The following QTMAN variants were observed in gnomAD, a reference collection of about 807,000 sequenced individuals.
The protein encoded by QTMAN is queuosine-tRNA mannosyltransferase.
chr2:144,080,180 C>A, the QTMAN span, among the ~76,000 whole-genome samples: 1 of 152,038 alleles, frequency 6.6e-6, no homozygotes, highest in Non-Finnish European at 1.5e-5. Flanking sequence ...AATAATTTGC[C>A]TCTTTAACAA....
chr2:144,271,931 C>T, the QTMAN span, among the ~76,000 whole-genome samples: 1 of 152,198 alleles, frequency 6.6e-6, no homozygotes, highest in African/African-American at 2.4e-5. Flanking sequence ...ACATACTCCT[C>T]CCTGATCCCA....
the QTMAN span, among the ~76,000 whole-genome samples, chr2:144,327,198 T>G: frequency 7.9e-5 from 12 of 152,278 alleles, no homozygotes; most frequent in African/African-American, 2.9e-4. Context: ...TGGAGAGAGA[T>G]GCACTCAGAG....
At chr2:144,140,215 T>C in the QTMAN span, among the ~76,000 whole-genome samples, 1 of 152,054 alleles carries the variant, frequency 6.6e-6, no homozygotes, top group Non-Finnish European at 1.5e-5. Flanking sequence ...TTTTTCTATT[T>C]AGCTAGATTC....
the QTMAN span, among the ~76,000 whole-genome samples, chr2:144,189,612 T>C: frequency 3.9e-5 from 6 of 152,172 alleles, no homozygotes; most frequent in African/African-American, 1.4e-4. Flanking sequence ...GCCTTCTCTT[T>C]TCTTTTTCTT....
At chr2:143,992,403 G>C in the QTMAN span, among the ~76,000 whole-genome samples, 1 of 145,658 alleles carries the variant, frequency 6.9e-6, no homozygotes, top group Non-Finnish European at 1.5e-5. Flanking sequence ...ACTGCGGAAG[G>C]CCTCAGGGTC....
the QTMAN span, among the ~76,000 whole-genome samples, chr2:144,263,311 T>C: frequency 6.6e-6 from 1 of 152,154 alleles, no homozygotes; most frequent in Non-Finnish European, 1.5e-5. Context: ...TACACTGATA[T>C]GGGTGACCTC....
the QTMAN span, among the ~76,000 whole-genome samples, chr2:144,179,481 AT>A: frequency 1.3e-5 from 2 of 152,116 alleles, no homozygotes; most frequent in Non-Finnish European, 1.5e-5. Context: ...ATTTAGATAT[AT>A]TTTTCAACAC....
the QTMAN span, among the ~76,000 whole-genome samples, chr2:144,273,276 T>C: frequency 6.6e-6 from 1 of 152,116 alleles, no homozygotes; most frequent in Admixed American, 6.5e-5. Flanking sequence ...AAATGCATTC[T>C]CTTTTTTTTC....
chr2:144,099,921 T>A, the QTMAN span, among the ~76,000 whole-genome samples: 1 of 152,218 alleles, frequency 6.6e-6, no homozygotes, highest in African/African-American at 2.4e-5. Context: ...GGTATACAAG[T>A]GTAAGCCGTG....
At chr2:144,206,436 T>C in the QTMAN span, among the ~76,000 whole-genome samples, 2 of 152,210 alleles carry the variant, frequency 1.3e-5, no homozygotes, top group South Asian at 2.1e-4. Flanking sequence ...GCTATCAAGT[T>C]TTCATGCTAC....
chr2:143,988,651 A>G, the QTMAN span, among the ~76,000 whole-genome samples: 3 of 152,226 alleles, frequency 2.0e-5, no homozygotes, highest in African/African-American at 7.2e-5. Context: ...AGTGAGGGTG[A>G]GCAACTTGCC....
the QTMAN span, among the ~76,000 whole-genome samples, chr2:144,154,633 C>T: frequency 1.3e-5 from 2 of 152,122 alleles, no homozygotes; most frequent in African/African-American, 4.8e-5. Context: ...TGCCTGATCA[C>T]CAAATATGTT....
chr2:143,996,088 C>G, the QTMAN span, among the ~76,000 whole-genome samples: 5 of 152,086 alleles, frequency 3.3e-5, no homozygotes, highest in African/African-American at 4.8e-5. Context: ...AAGGTAGGTT[C>G]ACTACATTAA....
chr2:144,035,283 A>G, the QTMAN span, among the ~76,000 whole-genome samples: 1 of 152,292 alleles, frequency 6.6e-6, no homozygotes, highest in African/African-American at 2.4e-5. Flanking sequence ...CTTCCTGTAC[A>G]GTCTATGGAA....
chr2:144,198,486 T>G, the QTMAN span, among the ~76,000 whole-genome samples: 8 of 152,098 alleles, frequency 5.3e-5, no homozygotes, highest in South Asian at 1.7e-3. Context: ...ACTAAGCTGG[T>G]GGAATATAAG....
chr2:144,198,774 C>T, the QTMAN span, among the ~76,000 whole-genome samples: 1 of 152,156 alleles, frequency 6.6e-6, no homozygotes, highest in African/African-American at 2.4e-5. Flanking sequence ...AATTCTTAAT[C>T]TTGAATTTAA....
chr2:144,190,845 T>A, the QTMAN span, among the ~76,000 whole-genome samples: 924 of 152,258 alleles, frequency 6.1e-3, 14 homozygotes, highest in African/African-American at 0.021. Context: ...AAAGAAACTG[T>A]GATACACTGT....
At chr2:143,965,581 C>T in the QTMAN span, among the ~76,000 whole-genome samples, 7 of 152,186 alleles carry the variant, frequency 4.6e-5, no homozygotes, top group African/African-American at 1.7e-4. Flanking sequence ...GTTTCTCAAT[C>T]TAGGCACTAT....
chr2:144,065,212 T>C, the QTMAN span, among the ~76,000 whole-genome samples: 1 of 152,136 alleles, frequency 6.6e-6, no homozygotes, highest in Non-Finnish European at 1.5e-5. Context: ...CTGAAGATGT[T>C]CTCAGGTGTC....
Sources: allele counts gnomAD v4.1 joint callset (sites outside exome capture counted in the v4.1 genomes callset), GRCh38; gene constraint gnomAD v4.1.1; transcripts MANE v1.5; gene names NCBI Gene and HGNC (gene_info 2026-07-23, HGNC 2026-07-21).